PAK4: variants seen among roughly 807,000 people sequenced by gnomAD.
PAK4 encodes serine/threonine-protein kinase PAK 4.
Under a neutral mutation model 53.5 loss-of-function variants are expected in PAK4, and 49 were observed. The ratio of observed to expected loss-of-function variants is 0.92; its 90% CI spans 0.73 to 1.16. The LOEUF (loss-of-function observed/expected upper bound fraction) is 1.16, where lower values mean the gene tolerates loss of function less well. PAK4 is among the 50% of genes most tolerant of loss of function. PAK4 has a pLI of 0.00. For missense variants in PAK4, 824 were observed against 850.7 expected (o/e 0.97, Z 0.39); for synonymous variants, 376 against 375.6 (o/e 1.00, Z -0.01).
At chr19:39,138,076 G>A (rs188167661) in intron 1 of PAK4, among the ~76,000 whole-genome samples, 104 of 152,046 alleles carry the variant, frequency 6.8e-4, no homozygotes, top group African/African-American at 2.5e-3. Flanking sequence ...CCACCTCCTG[G>A]GTTCAAGCAA....
Position 39,172,986 on chromosome 19 carries a change from C to A in PAK4, c.273C>A (p.Asn91Lys). 3 of 1,550,232 alleles carry A rather than the reference C, an allele frequency of 1.9e-6. No individual in the cohort carries two copies. The African/African-American group carries it at 4.1e-5, about 21-fold the overall frequency. ...CGCTGCTGCTGGACGAGTTTGAGAA[C>A]ATGTCGGTGACACGCTCCAACTCCC... Residue 91 changes from asparagine (N) to lysine (K), a missense_variant, in exon 3 of 9, where the codon AAC (asparagine) becomes AAA (lysine). By Grantham distance (94) the Asn-to-Lys change is moderately conservative. This residue lies in a region of PAK4 where 478 missense variants were observed against 435.8 expected (regional missense o/e 1.10). Coordinates refer to ENST00000358301, the Ensembl canonical transcript of PAK4.
intron 1 of PAK4, among the ~76,000 whole-genome samples, chr19:39,163,775 C>G (rs1363212423): frequency 6.6e-6 from 1 of 152,208 alleles, no homozygotes; most frequent in South Asian, 2.1e-4. Context: ...GACTACTGCC[C>G]CCAGGTCCCA....
At chr19:39,166,170 C>A (rs2074372501) in intron 1 of PAK4, among the ~76,000 whole-genome samples, 1 of 152,214 alleles carries the variant, frequency 6.6e-6, no homozygotes, top group Admixed American at 6.5e-5. Flanking sequence ...ATAAAAACTC[C>A]AGGAAGGCCA....
intron 1 of PAK4, among the ~76,000 whole-genome samples, chr19:39,130,317 GGGGTT>G (rs2073684139): frequency 6.6e-6 from 1 of 152,100 alleles, no homozygotes; most frequent in Admixed American, 6.5e-5. Flanking sequence ...CCCAGGCAGA[GGGGTT>G]GGGGCTGGAT....
chr19:39,158,059 CGT>C (rs202070035), intron 1 of PAK4, among the ~76,000 whole-genome samples: 4,150 of 149,206 alleles, frequency 0.028, 69 homozygotes, highest in Middle Eastern at 0.048. Context: ...TATTTGTGAG[CGT>C]GTGTGTGAGC....
At chr19:39,166,139 C>T (rs2074371917) in intron 1 of PAK4, among the ~76,000 whole-genome samples, 1 of 152,236 alleles carries the variant, frequency 6.6e-6, no homozygotes, top group African/African-American at 2.4e-5. Context: ...CCTCCGTGCC[C>T]TCTGTTCTGC....
chr19:39,146,575 C>T lies in PAK4; in HGVS notation c.-23+20656C>T, dbSNP rs565615592. Reference sequence around the variant, plus strand: ...CAGAATGGCCAGGCGCAGTGGCTCACGCCTGTAATTCCACCCCATTTGGGG... The same window carrying T: ...CAGAATGGCCAGGCGCAGTGGCTCATGCCTGTAATTCCACCCCATTTGGGG... On this transcript the variant is annotated intron_variant, in intron 1 of 8. Transcript: ENST00000358301. Among the ~76,000 whole-genome samples, 3 of 152,302 alleles carry T rather than the reference C, an allele frequency of 2.0e-5. No homozygotes were observed. The South Asian group carries it at 6.2e-4, about 32-fold the overall frequency.
rs1382141003 is a variant in PAK4, at chr19:39,174,913, G to T, written c.1099-18G>T. On this transcript the variant is annotated intron_variant, in intron 4 of 8. Transcript: ENST00000358301. ...AGCCCTCCCGCCTCCCTCCACCACT[G>T]ACCCAGCCCCTGCACAGGTGGTAAT... 2 of 1,613,380 alleles carry T rather than the reference G, an allele frequency of 1.2e-6. No homozygotes were observed. The highest frequency in any genetic ancestry group is 3.3e-5 in the Admixed American group (2 of 59,994).
At chr19:39,132,827 A>G (rs2073739562) in intron 1 of PAK4, among the ~76,000 whole-genome samples, 1 of 152,216 alleles carries the variant, frequency 6.6e-6, no homozygotes, top group Non-Finnish European at 1.5e-5. Flanking sequence ...GACGGGTGTC[A>G]CCTGACATTC....
In PAK4 at chr19:39,173,771, C is replaced by T. The variant is rs766531156; in HGVS notation, c.859C>T (p.Pro287Ser). 4 of 1,596,120 alleles carry T rather than the reference C, an allele frequency of 2.5e-6. No individual in the cohort carries two copies. The highest frequency in any genetic ancestry group is 1.7e-4 in the Middle Eastern group (1 of 5,998). The stretch of plus-strand genomic sequence containing the variant: ...CGCCGCCCCTGCTGTTCCTGGGCCC[C>T]CTGGCCCCCGCTCACCACAGCGGGA... The change falls in exon 4 of 9, where the codon CCT (proline) becomes TCT (serine). Residue 287 changes from proline (P) to serine (S), a missense_variant. Pro to Ser is a moderately conservative substitution (Grantham distance 74, BLOSUM62 -1). Coordinates refer to ENST00000358301, the Ensembl canonical transcript of PAK4. This position sits in a 1 kb window ranked among gnomAD's most constrained non-coding sequence, Gnocchi z 6.9.
At chr19:39,144,954 C>G (rs1354690798) in intron 1 of PAK4, among the ~76,000 whole-genome samples, 3 of 152,168 alleles carry the variant, frequency 2.0e-5, no homozygotes, top group Admixed American at 1.3e-4. Flanking sequence ...TGTAAAACCT[C>G]CATGTTCAGT....
chr19:39,174,415 G>A (rs1281955683), intron 4 of PAK4, among the ~76,000 whole-genome samples: 1 of 151,650 alleles, frequency 6.6e-6, no homozygotes, highest in African/African-American at 2.4e-5. Context: ...CCAAGAGTAT[G>A]TTTCTGACGT....
Position 39,173,417 on chromosome 19 carries a change from C to A in PAK4, c.663+41C>A. ...CCCCAGGGCCCCCACTGTCCCCTGCCCGTTGCTCCTCTGTCCCCACCTTCC... is the reference window on the plus strand; with the variant it reads ...CCCCAGGGCCCCCACTGTCCCCTGCACGTTGCTCCTCTGTCCCCACCTTCC... On this transcript the variant is annotated intron_variant, in intron 3 of 8. Transcript: ENST00000358301. This position sits in a 1 kb window ranked among gnomAD's most constrained non-coding sequence, Gnocchi z 6.9. 1 of 1,449,330 alleles carries A rather than the reference C, an allele frequency of 6.9e-7. No individual in the cohort carries two copies. The highest frequency in any genetic ancestry group is 9.2e-7 in the Non-Finnish European group (1 of 1,085,306). 89.8% of individuals were successfully genotyped at this position (1,449,330 alleles called of 1,614,324 possible).
intron 1 of PAK4, among the ~76,000 whole-genome samples, chr19:39,143,592 C>CAAAAAAAAAAAAAAA (rs544304301): frequency 2.0e-4 from 4 of 20,440 alleles, no homozygotes; most frequent in Non-Finnish European, 1.8e-4. Context: ...GACTCTGTCT[C>CAAAAAAAAAAAAAAA]AAAAAAAAAA....
chr19:39,147,954 CTT>C (rs60141249), intron 1 of PAK4, among the ~76,000 whole-genome samples: 35,382 of 111,666 alleles, frequency 0.32, 5,675 homozygotes, highest in Middle Eastern at 0.42. Context: ...TATTCTCTCT[CTT>C]TTTTTTTTTT....
chr19:39,148,466 C>CTTTGTTTTTTTTTT, intron 1 of PAK4, among the ~76,000 whole-genome samples: 1 of 56,798 alleles, frequency 1.8e-5, no homozygotes, highest in Non-Finnish European at 2.9e-5. Flanking sequence ...GTTTCTTCTG[C>CTTTGTTTTTTTTTT]TTTTTTTTTT....
intron 1 of PAK4, among the ~76,000 whole-genome samples, chr19:39,145,538 C>T (rs1253985236): frequency 1.3e-5 from 2 of 152,198 alleles, no homozygotes; most frequent in African/African-American, 4.8e-5. Context: ...CCGCAGCCCC[C>T]TGCTCCACGT....
intron 1 of PAK4, among the ~76,000 whole-genome samples, chr19:39,138,844 A>G (rs1407169507): frequency 3.3e-5 from 5 of 152,212 alleles, no homozygotes; most frequent in African/African-American, 1.2e-4. Flanking sequence ...TGCGGGAAGC[A>G]GCTCAGCTGG....
intron 1 of PAK4, among the ~76,000 whole-genome samples, chr19:39,159,897 C>CCCCCCACTGGATCTGTGT (rs1390962624): frequency 6.6e-6 from 1 of 152,216 alleles, no homozygotes; most frequent in Non-Finnish European, 1.5e-5. Flanking sequence ...CAAAGGCGTC[C>CCCCCCACTGGATCTGTGT]CCCCCACTGG....
Sources: gnomAD v4.1 joint callset for allele counts (sites outside exome capture counted in the v4.1 genomes callset) on GRCh38, gnomAD v4.1.1 for gene constraint, gnomAD v4.1.1 regional missense constraint, Gnocchi (gnomAD v3.1) non-coding constraint, MANE v1.5 for transcripts, NCBI Gene and HGNC (gene_info 2026-07-23, HGNC 2026-07-21) for gene names.